SYNRG: variants seen among roughly 807,000 people sequenced by gnomAD.
SYNRG encodes the protein synergin gamma.
A neutral mutation model predicts 130.9 loss-of-function variants in SYNRG; 37 were observed. That is an observed-to-expected ratio of 0.28 (90% CI 0.22 to 0.37). The LOEUF (loss-of-function observed/expected upper bound fraction) is 0.37, where lower values mean the gene tolerates loss of function less well. Among genes scored for constraint, SYNRG ranks in the 10% least tolerant of loss-of-function variants. SYNRG has a pLI of 1.00. For synonymous variants in SYNRG, 539 were observed against 568.1 expected, an observed-to-expected ratio of 0.95 and a Z score of 0.73; for missense variants, 1,338 against 1,588.9, an observed-to-expected ratio of 0.84 and a Z score of 2.68.
intron 11 of SYNRG, chr17:37,568,438 A>G (rs2060161241): frequency 5.7e-6 from 1 of 175,296 alleles, no homozygotes. Context: ...AAAATGTGCA[A>G]TTATGTGCTC....
At chr17:37,540,335 C>T (rs1015116312) in intron 16 of SYNRG, 45 bp downstream of exon 16, 41 of 1,597,950 alleles carry the variant, frequency 2.6e-5, no homozygotes, top group Non-Finnish European at 3.5e-5. Context: ...GCCCTGTGTG[C>T]TTGCTGGTCT....
intron 17 of SYNRG, chr17:37,538,917 A>G: frequency 1.6e-6 from 1 of 611,462 alleles, no homozygotes; most frequent in Non-Finnish European, 2.0e-6. Context: ...TAGCTTAAAT[A>G]TTATTTTGAT....
At chr17:37,603,027 T>C (rs540238720) in intron 1 of SYNRG, among the ~76,000 whole-genome samples, 199 of 152,032 alleles carry the variant, frequency 1.3e-3, no homozygotes, top group Non-Finnish European at 2.1e-3. Flanking sequence ...AAGGAGACTC[T>C]GTCTCAAAAC....
chr17:37,569,181 A>T (rs56253237), intron 10 of SYNRG, among the ~76,000 whole-genome samples: 1 of 152,104 alleles, frequency 6.6e-6, no homozygotes, highest in East Asian at 1.9e-4. Context: ...AGATCGAGGC[A>T]GACAGATCTC....
intron 3 of SYNRG, among the ~76,000 whole-genome samples, chr17:37,590,389 A>C (rs1157943441): frequency 1.3e-5 from 2 of 152,212 alleles, no homozygotes; most frequent in Non-Finnish European, 2.9e-5. Flanking sequence ...TAGAATCTAG[A>C]ATATATAATG....
chr17:37,553,582 GC>G lies in SYNRG; in HGVS notation c.2140del (p.Ala714ProfsTer11). The G allele has an allele frequency of 6.2e-7, 1 of 1,614,122 alleles. No individual in the cohort carries two copies. Among genetic ancestry groups the G allele is most frequent in the South Asian group, 1.1e-5 (1 of 91,070 alleles). ...AACAGGACTGGCTTCCTCTTTAAGG[GC>G]ATCATATTTGTCATCCGGCTTTTGC... is the stretch of plus-strand genomic sequence containing the variant. ...SEQKPDDKYDALKEEASPVPL... is the reference protein window; with the variant it reads ...SEQKPDDKYDXLKEEASPVPL... On this transcript the variant is annotated frameshift_variant, in exon 14 of 22. Transcript: ENST00000612223. LOFTEE classifies it high-confidence loss of function.
Position 37,553,501 on chromosome 17 carries a change from G to A in SYNRG, c.2222C>T (p.Ala741Val), listed in dbSNP as rs1424973007. 7.4e-6 allele frequency: 12 copies of A among 1,614,174 alleles called. No homozygotes were observed. Among genetic ancestry groups the A allele is most frequent in the East Asian group, 4.5e-5 (2 of 44,890 alleles). ...TVKGGQNSTA[A>V]STKYDVFRQL... is the part of the protein sequence containing the mutation. The stretch of plus-strand genomic sequence containing the variant: ...TCTGAAGACATCGTACTTGGTAGAC[G>A]CAGCAGTCGAGTTTTGTCCACCCTT... Residue 741 changes from alanine to valine, a missense_variant, in exon 14 of 22, where the codon GCG (alanine) becomes GTG (valine). Coordinates refer to ENST00000612223, the MANE Select transcript of SYNRG (RefSeq NM_007247.6).
At chr17:37,580,350 A>G (rs993715009) in intron 6 of SYNRG, among the ~76,000 whole-genome samples, 1 of 151,392 alleles carries the variant, frequency 6.6e-6, no homozygotes, top group African/African-American at 2.4e-5. Flanking sequence ...GCTAGAGTGC[A>G]ATGGCATGAG....
chr17:37,576,408 T>C lies in SYNRG; in HGVS notation c.834A>G (p.Val278=). 6.2e-7 allele frequency: 1 copy of C among 1,613,554 alleles called. No individual in the cohort carries two copies. Among genetic ancestry groups the C allele is most frequent in the Non-Finnish European group, 8.5e-7 (1 of 1,179,636 alleles). The change falls in exon 8 of 22, where the codon GTA becomes GTG. Residue 278 remains valine, a synonymous_variant. Coordinates refer to ENST00000612223, the MANE Select transcript of SYNRG (RefSeq NM_007247.6). ...NLSIEESGVG[V]FPSQDPAQPR... The stretch of plus-strand genomic sequence containing the variant: ...GCTGAGCAGGATCCTGTGAGGGAAA[T>C]ACTCCCACACCTAGAAGGTAAGAAA...
chr17:37,526,478 T>C (rs906591143), intron 19 of SYNRG, among the ~76,000 whole-genome samples: 1 of 152,234 alleles, frequency 6.6e-6, no homozygotes, highest in South Asian at 2.1e-4. Context: ...TCTTGTATAA[T>C]CTTTCCTATT....
intron 11 of SYNRG, 71 bp from the exon 12 acceptor site, chr17:37,561,660 T>C: frequency 8.7e-7 from 1 of 1,151,120 alleles, no homozygotes; most frequent in East Asian, 2.4e-5. Context: ...AAGTTAGAAT[T>C]AAAATGGCAA....
intron 7 of SYNRG, 143 bp from the exon 8 acceptor site, chr17:37,576,561 G>A: frequency 1.6e-6 from 1 of 622,300 alleles, no homozygotes; most frequent in South Asian, 2.7e-5. Context: ...GGTCCCCCCT[G>A]CCTCCGATTC....
intron 3 of SYNRG, among the ~76,000 whole-genome samples, chr17:37,592,197 G>C (rs1480320083): frequency 6.6e-6 from 1 of 152,182 alleles, no homozygotes; most frequent in Admixed American, 6.5e-5. Context: ...CAAATGAAAA[G>C]ATGCTCAACA....
At chr17:37,570,939 A>C (rs2060386001) in intron 9 of SYNRG, 54 bp from the exon 10 acceptor site, 1 of 1,550,550 alleles carries the variant, frequency 6.4e-7, no homozygotes, top group African/African-American at 1.4e-5. Context: ...CATACGGTCG[A>C]AATCTGGCAG....
chr17:37,521,727 C>T (rs941616152), intron 19 of SYNRG, among the ~76,000 whole-genome samples: 1 of 152,036 alleles, frequency 6.6e-6, no homozygotes, highest in African/African-American at 2.4e-5. Flanking sequence ...AGACAGATAC[C>T]GATGGTCAGA....
chr17:37,525,739 G>A (rs755877849), intron 19 of SYNRG, among the ~76,000 whole-genome samples: 21 of 152,140 alleles, frequency 1.4e-4, no homozygotes, highest in South Asian at 2.1e-4. Flanking sequence ...AGGCCAAGGC[G>A]GGCGGATCAC....
At chr17:37,603,573 A>C (rs1301534869) in intron 1 of SYNRG, among the ~76,000 whole-genome samples, 1 of 152,196 alleles carries the variant, frequency 6.6e-6, no homozygotes, top group Non-Finnish European at 1.5e-5. Context: ...CAGACATGAG[A>C]ACATTAACCT....
chr17:37,530,822 T>C (rs781751413), intron 19 of SYNRG, among the ~76,000 whole-genome samples: 1 of 152,252 alleles, frequency 6.6e-6, no homozygotes, highest in African/African-American at 2.4e-5. Flanking sequence ...TGTGGTACTA[T>C]AGTCCTCCTT....
chr17:37,568,584 T>TA (rs1421566483), intron 11 of SYNRG: 1 of 489,956 alleles, frequency 2.0e-6, no homozygotes, highest in African/African-American at 1.9e-5. Flanking sequence ...GGTGTGTACT[T>TA]ACAGGAAACA....
Sources: allele counts gnomAD v4.1 joint callset (sites outside exome capture counted in the v4.1 genomes callset), GRCh38; gene constraint gnomAD v4.1.1; transcripts MANE v1.5; gene names NCBI Gene and HGNC (gene_info 2026-07-23, HGNC 2026-07-21).